Variants in ZGRF1 observed in about 807,000 individuals in gnomAD.
The protein encoded by ZGRF1 is 5'-3' DNA helicase ZGRF1.
ZGRF1 carries 196 observed loss-of-function variants against 203.5 expected under a neutral mutation model. The observed-to-expected ratio is 0.96, with a 90% confidence interval of 0.86 to 1.08. ZGRF1 has a LOEUF of 1.08. Ranked by LOEUF, ZGRF1 falls within the 50% of genes least tolerant of loss-of-function variation. The pLI is 0.00. For synonymous variants in ZGRF1, 809 were observed against 841.3 expected (o/e 0.96, Z 0.66); for missense variants, 2,326 against 2,416.3 (o/e 0.96, Z 0.78).
chr4:112,612,876 T>C (rs1292704993), intron 6 of ZGRF1, among the ~76,000 whole-genome samples: 1 of 152,118 alleles, frequency 6.6e-6, no homozygotes, highest in African/African-American at 2.4e-5. Flanking sequence ...TTTACACTAA[T>C]TAAAAAATAA....
intron 24 of ZGRF1, among the ~76,000 whole-genome samples, chr4:112,542,788 CCTT>C (rs1737920073): frequency 6.6e-6 from 1 of 151,140 alleles, no homozygotes; most frequent in South Asian, 2.1e-4. Context: ...TTCCTTCCTT[CCTT>C]CTTTCTTTTT....
At chr4:112,632,352 A>C (rs965250993) in intron 2 of ZGRF1, among the ~76,000 whole-genome samples, 4 of 152,124 alleles carry the variant, frequency 2.6e-5, no homozygotes, top group Non-Finnish European at 5.9e-5. Context: ...TGAGCTCCCT[A>C]GTCATCAATT....
intron 22 of ZGRF1, 23 bp downstream of exon 22, chr4:112,553,812 A>T (rs776503379): frequency 1.9e-6 from 3 of 1,580,312 alleles, no homozygotes; most frequent in Non-Finnish European, 2.6e-6. Context: ...ATCAAGAAAC[A>T]AATTGAAGCT....
At chr4:112,607,830 A>G (rs1174279662) in intron 8 of ZGRF1, 1 of 152,388 alleles carries the variant, frequency 6.6e-6, no homozygotes, top group Non-Finnish European at 1.5e-5. Flanking sequence ...GGTCCCAGCT[A>G]CTTTGGAGGC....
chr4:112,569,051 C>G (rs1366635362), intron 16 of ZGRF1, among the ~76,000 whole-genome samples: 1 of 152,028 alleles, frequency 6.6e-6, no homozygotes, highest in South Asian at 2.1e-4. Context: ...ATCAGACTTT[C>G]AAACAGTGAA....
At chr4:112,583,340 T>C (rs1250861547) in intron 15 of ZGRF1, among the ~76,000 whole-genome samples, 1 of 152,238 alleles carries the variant, frequency 6.6e-6, no homozygotes, top group Non-Finnish European at 1.5e-5. Context: ...ACTTATTTAT[T>C]ATGCCACACT....
chr4:112,635,915 T>G (rs188233733), intron 1 of ZGRF1, among the ~76,000 whole-genome samples: 1 of 151,782 alleles, frequency 6.6e-6, no homozygotes, highest in Non-Finnish European at 1.5e-5. Context: ...TAAAAAGAAC[T>G]AAGAAGACTG....
chr4:112,617,390 G>T, intron 6 of ZGRF1, 50 bp downstream of exon 6: 2 of 1,334,542 alleles, frequency 1.5e-6, no homozygotes, highest in Non-Finnish European at 2.0e-6. Flanking sequence ...TTTCTTTATA[G>T]CTCAAAGACC....
At chr4:112,590,026 C>A in intron 10 of ZGRF1, 152 bp from the exon 11 acceptor site, 1 of 498,728 alleles carries the variant, frequency 2.0e-6, no homozygotes, top group Non-Finnish European at 3.5e-6. Flanking sequence ...AAACTTCTTC[C>A]AAAAAGGACA....
intron 24 of ZGRF1, 56 bp downstream of exon 24, chr4:112,547,229 C>T (rs1738980106): frequency 1.3e-6 from 2 of 1,533,332 alleles, no homozygotes; most frequent in East Asian, 2.3e-5. Context: ...TCAACACACA[C>T]ACACACAATG....
intron 11 of ZGRF1, 35 bp from the exon 12 acceptor site, chr4:112,587,964 G>T: frequency 6.9e-7 from 1 of 1,452,448 alleles, no homozygotes; most frequent in Non-Finnish European, 9.1e-7. Context: ...AAATAAAAAT[G>T]TTCTACTAGT....
intron 4 of ZGRF1, 97 bp downstream of exon 4, chr4:112,623,720 T>C (rs966423448): frequency 5.9e-6 from 4 of 672,996 alleles, no homozygotes; most frequent in Non-Finnish European, 1.0e-5. Flanking sequence ...ATACTATTAG[T>C]ATTAATATTA....
At position 112,553,811 on chromosome 4, in the gene ZGRF1, C is replaced by A. The variant is rs538988073; in HGVS notation, c.5346+24G>T. 2.7e-5 allele frequency: 42 copies of A among 1,578,232 alleles called. 1 individual carries two copies. In the African/African-American group the frequency reaches 3.2e-4, roughly 12 times the overall value. ...TGAATGGTATATATAAATCAAGAAA[C>A]AAATTGAAGCTACTACTTCTTACCT... is the stretch of plus-strand genomic sequence containing the variant. On this transcript the variant is annotated intron_variant, in intron 22 of 27. Coordinates refer to ENST00000505019, the MANE Select transcript of ZGRF1 (RefSeq NM_018392.5).
chr4:112,622,061 A>G (rs887201770), intron 4 of ZGRF1, among the ~76,000 whole-genome samples: 2 of 152,010 alleles, frequency 1.3e-5, no homozygotes, highest in African/African-American at 4.8e-5. Flanking sequence ...AATAGTAGTT[A>G]CCACCAATCA....
intron 16 of ZGRF1, among the ~76,000 whole-genome samples, chr4:112,573,233 C>T (rs1031819897): frequency 4.7e-5 from 7 of 150,320 alleles, no homozygotes; most frequent in Admixed American, 1.3e-4. Flanking sequence ...TAAAAAGAAA[C>T]GAATAATGGC....
At chr4:112,546,335 A>C (rs1738761432) in intron 24 of ZGRF1, among the ~76,000 whole-genome samples, 1 of 152,216 alleles carries the variant, frequency 6.6e-6, no homozygotes, top group Admixed American at 6.6e-5. Context: ...AGACAGAGGT[A>C]GTGGTTACAC....
At chr4:112,575,847 G>A (rs961532519) in intron 16 of ZGRF1, among the ~76,000 whole-genome samples, 1 of 152,180 alleles carries the variant, frequency 6.6e-6, no homozygotes, top group Non-Finnish European at 1.5e-5. Context: ...CTCCCCCTCT[G>A]GGGGGCAGGA....
In ZGRF1 at chr4:112,560,811, G is replaced by C; in HGVS notation, c.4882C>G (p.Gln1628Glu). ...DQATALIQIA[Q>E]MMASHESIEE... ...ATGCTTTCATGTGATGCCATCATTT[G>C]AGCTATTTGAATTAGAGCTGTAGCT... The change falls in exon 19 of 28, where the codon CAA becomes GAA. Residue 1628 changes from glutamine to glutamate, a missense_variant. Transcript: ENST00000505019. 2 of 1,612,420 alleles carry C rather than the reference G, an allele frequency of 1.2e-6. No individual in the cohort carries two copies. The highest frequency in any genetic ancestry group is 1.7e-6 in the Non-Finnish European group (2 of 1,178,598).
At position 112,549,540 on chromosome 4, in the gene ZGRF1, T is replaced by C. The variant is rs563527540; in HGVS notation, c.5347-1160A>G. Among the ~76,000 whole-genome samples the C allele has an allele frequency of 6.6e-5, 10 of 152,338 alleles. No homozygotes were observed. The South Asian group carries it at 2.1e-3, about 32-fold the overall frequency. ...TGATGATGGTCTCATAAAATTATAA[T>C]GGAGCTGAAAAATTCCCAGCCCTTA... is the stretch of plus-strand genomic sequence containing the variant. On this transcript the variant is annotated intron_variant, in intron 22 of 27. Coordinates refer to ENST00000505019, the MANE Select transcript of ZGRF1 (RefSeq NM_018392.5).
Sources: allele counts gnomAD v4.1 joint callset (sites outside exome capture counted in the v4.1 genomes callset), GRCh38; gene constraint gnomAD v4.1.1; transcripts MANE v1.5; gene names NCBI Gene and HGNC (gene_info 2026-07-23, HGNC 2026-07-21).